Variants in RGS6 observed in about 807,000 individuals in gnomAD.
The protein encoded by RGS6 is regulator of G protein signaling 6, also known as regulator of G-protein signaling 6.
Under a neutral mutation model 78.5 loss-of-function variants are expected in RGS6, and 30 were observed. The observed-to-expected ratio is 0.38, with a 90% CI of 0.29 to 0.52. The LOEUF (loss-of-function observed/expected upper bound fraction) is 0.52. Ranked by LOEUF, RGS6 falls within the 20% of genes least tolerant of loss-of-function variation. The pLI is 0.85. For synonymous variants in RGS6, 206 were observed against 206.0 expected (o/e 1.00, Z 0.00); for missense variants, 495 against 609.7 (o/e 0.81, Z 1.98).
intron 2 of RGS6, among the ~76,000 whole-genome samples, chr14:72,074,651 G>A (rs762068638): frequency 1.3e-5 from 2 of 151,502 alleles, no homozygotes; most frequent in African/African-American, 2.4e-5. Flanking sequence ...CTGTTTTTCC[G>A]AGCATCTACA....
At chr14:72,068,439 A>G (rs1212814011) in intron 2 of RGS6, among the ~76,000 whole-genome samples, 3 of 148,600 alleles carry the variant, frequency 2.0e-5, no homozygotes, top group Non-Finnish European at 4.5e-5. Flanking sequence ...CTGGCCGAAT[A>G]TCAGTTCTTT....
At chr14:71,984,368 G>A (rs565668591) in intron 2 of RGS6, among the ~76,000 whole-genome samples, 2 of 150,840 alleles carry the variant, frequency 1.3e-5, no homozygotes, top group East Asian at 3.9e-4. Flanking sequence ...GTGAGAGCTG[G>A]GTGTGGTGGC....
chr14:71,883,948 G>T, the RGS6 span, among the ~76,000 whole-genome samples: 9 of 152,164 alleles, frequency 5.9e-5, no homozygotes, highest in African/African-American at 2.2e-4. Context: ...ATATCATCAA[G>T]AAATAACTAT....
At chr14:72,327,168 A>T (rs1036762443) in intron 2 of RGS6, among the ~76,000 whole-genome samples, 2 of 152,118 alleles carry the variant, frequency 1.3e-5, no homozygotes, top group African/African-American at 2.4e-5. Flanking sequence ...TTATGTGTAT[A>T]TGTATTACCT....
chr14:72,167,862 C>T (rs1278648798), intron 2 of RGS6, among the ~76,000 whole-genome samples: 1 of 152,154 alleles, frequency 6.6e-6, no homozygotes. Context: ...TGAGCAGCCT[C>T]TGTACAGAGG....
At chr14:72,597,761 T>A in the RGS6 span, among the ~76,000 whole-genome samples, 1 of 152,182 alleles carries the variant, frequency 6.6e-6, no homozygotes, top group African/African-American at 2.4e-5. Context: ...TGTGTGTTAT[T>A]TTTCCTGGAC....
chr14:72,197,486 C>A (rs1035586235), intron 2 of RGS6, among the ~76,000 whole-genome samples: 17 of 152,264 alleles, frequency 1.1e-4, no homozygotes, highest in Non-Finnish European at 2.2e-4. Flanking sequence ...GAGGGATACA[C>A]AAGAACACTT....
chr14:72,113,171 T>C (rs367627675), intron 2 of RGS6, among the ~76,000 whole-genome samples: 4 of 152,328 alleles, frequency 2.6e-5, no homozygotes, highest in South Asian at 4.1e-4. Context: ...CCCCCCGACA[T>C]GTGGATGACT....
chr14:72,342,151 A>C (rs1404466532), intron 2 of RGS6, among the ~76,000 whole-genome samples: 1 of 152,204 alleles, frequency 6.6e-6, no homozygotes, highest in African/African-American at 2.4e-5. Flanking sequence ...TTCCATGTAC[A>C]ATTCTCCTTG....
intron 17 of RGS6, among the ~76,000 whole-genome samples, chr14:72,557,132 C>G (rs957698014): frequency 2.6e-5 from 4 of 152,230 alleles, no homozygotes; most frequent in Non-Finnish European, 5.9e-5. Context: ...TGTGGAGGAA[C>G]CATAACGGGT....
downstream of RGS6, among the ~76,000 whole-genome samples, chr14:72,570,090 C>T (rs979543834): frequency 3.3e-5 from 5 of 152,056 alleles, no homozygotes; most frequent in African/African-American, 1.2e-4. Flanking sequence ...CCACAGTTTC[C>T]ACGGATTCAA....
chr14:71,962,262 A>G (rs914634408), intron 1 of RGS6, among the ~76,000 whole-genome samples: 1 of 151,928 alleles, frequency 6.6e-6, no homozygotes, highest in Non-Finnish European at 1.5e-5. Context: ...AACACACACA[A>G]ATGCTTCTGT....
intron 2 of RGS6, among the ~76,000 whole-genome samples, chr14:71,977,142 A>G (rs2094177417): frequency 9.0e-6 from 1 of 111,068 alleles, no homozygotes; most frequent in African/African-American, 3.2e-5. Flanking sequence ...GTTTGAGTTC[A>G]TTGTAGATTC....
At chr14:72,148,850 C>T (rs2096643964) in intron 2 of RGS6, among the ~76,000 whole-genome samples, 1 of 152,160 alleles carries the variant, frequency 6.6e-6, no homozygotes, top group Admixed American at 6.5e-5. Context: ...GTTACATAGC[C>T]TAAAAATGAG....
chr14:72,313,819 A>T (rs1382922542), intron 2 of RGS6, among the ~76,000 whole-genome samples: 1 of 152,218 alleles, frequency 6.6e-6, no homozygotes, highest in Non-Finnish European at 1.5e-5. Flanking sequence ...TGAAGGTATT[A>T]GAAGATAAAA....
chr14:72,459,534 G>A (rs2095720126), intron 5 of RGS6, 98 bp from the exon 6 acceptor site: 8 of 1,093,110 alleles, frequency 7.3e-6, no homozygotes, highest in Admixed American at 7.1e-5. Context: ...AGAAGGAGAT[G>A]GGGGAGAGCC....
the RGS6 span, among the ~76,000 whole-genome samples, chr14:72,612,991 G>T: frequency 2.8e-5 from 2 of 71,014 alleles, no homozygotes; most frequent in Non-Finnish European, 5.9e-5. Flanking sequence ...CATTAAGTAG[G>T]GCGTGTGTGT....
At chr14:72,306,958 A>G (rs532692895) in intron 2 of RGS6, among the ~76,000 whole-genome samples, 1 of 152,380 alleles carries the variant, frequency 6.6e-6, no homozygotes, top group East Asian at 1.9e-4. Context: ...GCTACCAAAC[A>G]GCATTGCATG....
intron 2 of RGS6, among the ~76,000 whole-genome samples, chr14:72,287,532 C>G (rs981072130): frequency 5.3e-5 from 8 of 152,198 alleles, no homozygotes; most frequent in African/African-American, 1.9e-4. Flanking sequence ...TCTAGACTTA[C>G]TGCAGCCTCC....
Sources: allele counts gnomAD v4.1 joint callset (sites outside exome capture counted in the v4.1 genomes callset), GRCh38; gene constraint gnomAD v4.1.1; transcripts MANE v1.5; gene names NCBI Gene and HGNC (gene_info 2026-07-23, HGNC 2026-07-21).